The following CDH18 variants were observed in gnomAD, a reference collection of about 807,000 sequenced individuals.
CDH18 encodes cadherin-18.
A neutral mutation model predicts 67.9 loss-of-function variants in CDH18; 31 were observed. That is an observed-to-expected ratio of 0.46 (90% CI 0.34 to 0.62). The LOEUF (loss-of-function observed/expected upper bound fraction) is 0.62, where lower values mean the gene tolerates loss of function less well. Among genes scored for constraint, CDH18 ranks in the 20% least tolerant of loss-of-function variants. The pLI is 0.01. For synonymous variants in CDH18, 362 were observed against 347.2 expected, an observed-to-expected ratio of 1.04 and a Z score of -0.48; for missense variants, 890 against 975.5, an observed-to-expected ratio of 0.91 and a Z score of 1.17.
At chr5:20,402,735 C>T (rs1745875840) in intron 1 of CDH18, among the ~76,000 whole-genome samples, 1 of 152,030 alleles carries the variant, frequency 6.6e-6, no homozygotes, top group African/African-American at 2.4e-5. Context: ...TAGCTGCTGA[C>T]TTATCAGGGT....
At chr5:19,870,769 G>A (rs1034951825) in intron 2 of CDH18, among the ~76,000 whole-genome samples, 1 of 152,108 alleles carries the variant, frequency 6.6e-6, no homozygotes, top group Admixed American at 6.6e-5. Context: ...GTGGTCCAAG[G>A]ATTCAGTGTA....
At chr5:20,466,537 A>G (rs1751645372) in intron 1 of CDH18, among the ~76,000 whole-genome samples, 1 of 152,126 alleles carries the variant, frequency 6.6e-6, no homozygotes, top group Non-Finnish European at 1.5e-5. Flanking sequence ...TACATATTGA[A>G]TAAGAATGAG....
At chr5:20,336,750 A>AAAAAAAAAAAAAAAAAC (rs1739804775) in intron 1 of CDH18, among the ~76,000 whole-genome samples, 1 of 131,258 alleles carries the variant, frequency 7.6e-6, no homozygotes, top group Non-Finnish European at 1.7e-5. Context: ...AAAAAAAAAA[A>AAAAAAAAAAAAAAAAAC]AAAAAGAACT....
intron 3 of CDH18, among the ~76,000 whole-genome samples, chr5:19,820,455 C>A (rs1354894796): frequency 1.3e-5 from 2 of 152,158 alleles, no homozygotes; most frequent in Non-Finnish European, 2.9e-5. Flanking sequence ...CCAATGGCAC[C>A]ACTTCCTTGT....
chr5:20,471,275 T>A (rs948173124), intron 1 of CDH18, among the ~76,000 whole-genome samples: 16 of 152,152 alleles, frequency 1.1e-4, no homozygotes, highest in African/African-American at 3.9e-4. Context: ...CTCCTCATCA[T>A]TCTCATTGTT....
At chr5:19,558,422 C>T (rs1027427864) in intron 8 of CDH18, among the ~76,000 whole-genome samples, 1 of 151,174 alleles carries the variant, frequency 6.6e-6, no homozygotes, top group African/African-American at 2.4e-5. Context: ...AAAAGAGAAG[C>T]AAGATCCAAA....
intron 1 of CDH18, among the ~76,000 whole-genome samples, chr5:20,568,314 CT>C (rs1758627998): frequency 6.6e-6 from 1 of 152,128 alleles, no homozygotes; most frequent in Admixed American, 6.6e-5. Flanking sequence ...TCAAAAATTC[CT>C]TTTGGAAAAC....
At chr5:19,817,337 T>C (rs1779399025) in intron 3 of CDH18, among the ~76,000 whole-genome samples, 1 of 151,996 alleles carries the variant, frequency 6.6e-6, no homozygotes, top group African/African-American at 2.4e-5. Context: ...TTAAACTTAC[T>C]TATCTTTGAA....
intron 1 of CDH18, among the ~76,000 whole-genome samples, chr5:20,487,191 C>A (rs542826822): frequency 6.6e-6 from 1 of 152,232 alleles, no homozygotes; most frequent in Non-Finnish European, 1.5e-5. Flanking sequence ...CACCTCTAAC[C>A]CTTCCAGTGA....
intron 5 of CDH18, among the ~76,000 whole-genome samples, chr5:19,702,399 T>G (rs575509446): frequency 6.6e-6 from 1 of 151,164 alleles, no homozygotes; most frequent in African/African-American, 2.4e-5. Context: ...TCAGCCCACC[T>G]TGGCCTCCCA....
At chr5:19,531,418 C>T (rs1046561353) in intron 9 of CDH18, among the ~76,000 whole-genome samples, 13 of 152,190 alleles carry the variant, frequency 8.5e-5, no homozygotes, top group African/African-American at 1.4e-4. Flanking sequence ...TCACTACATA[C>T]TTATTAGAAT....
At chr5:20,289,073 C>T (rs1746907109) in intron 1 of CDH18, among the ~76,000 whole-genome samples, 2 of 151,848 alleles carry the variant, frequency 1.3e-5, no homozygotes, top group South Asian at 4.1e-4. Flanking sequence ...TAATCAGTGG[C>T]ATTAGATTAT....
chr5:20,574,458 G>A (rs1294151481), intron 1 of CDH18, among the ~76,000 whole-genome samples: 1 of 151,794 alleles, frequency 6.6e-6, no homozygotes, highest in South Asian at 2.1e-4. Context: ...AGCAATTCTC[G>A]GGGTAAAATA....
intron 1 of CDH18, among the ~76,000 whole-genome samples, chr5:20,429,789 G>A (rs997214893): frequency 6.6e-6 from 1 of 152,108 alleles, no homozygotes; most frequent in Non-Finnish European, 1.5e-5. Flanking sequence ...GAAACCTCAG[G>A]TAATAGTGTC....
intron 11 of CDH18, among the ~76,000 whole-genome samples, chr5:19,486,227 G>A (rs142283909): frequency 1.8e-4 from 28 of 151,354 alleles, no homozygotes; most frequent in African/African-American, 5.6e-4. Context: ...AAGGCTCACT[G>A]AACTTGAAAA....
chr5:20,185,789 T>C (rs1274964015), intron 2 of CDH18, among the ~76,000 whole-genome samples: 2 of 152,010 alleles, frequency 1.3e-5, no homozygotes, highest in East Asian at 3.9e-4. Context: ...ACATATTCCA[T>C]ACACACAACT....
At chr5:20,511,958 G>A (rs962120780) in intron 1 of CDH18, among the ~76,000 whole-genome samples, 1 of 152,130 alleles carries the variant, frequency 6.6e-6, no homozygotes, top group African/African-American at 2.4e-5. Context: ...GCTGGGTGTG[G>A]TGGCTCACGC....
intron 5 of CDH18, among the ~76,000 whole-genome samples, chr5:19,654,984 G>A (rs1250115744): frequency 6.6e-6 from 1 of 152,110 alleles, no homozygotes; most frequent in African/African-American, 2.4e-5. Context: ...GGAGCCTGGG[G>A]TTTGGAGTTT....
At chr5:19,920,851 T>C (rs1453022514) in intron 2 of CDH18, among the ~76,000 whole-genome samples, 1 of 149,162 alleles carries the variant, frequency 6.7e-6, no homozygotes, top group Non-Finnish European at 1.5e-5. Context: ...AATTTAGGGG[T>C]AGAGGACAAA....
Sources: gnomAD v4.1 joint callset for allele counts (sites outside exome capture counted in the v4.1 genomes callset) on GRCh38, gnomAD v4.1.1 for gene constraint, MANE v1.5 for transcripts, NCBI Gene and HGNC (gene_info 2026-07-23, HGNC 2026-07-21) for gene names.